Variants in DCDC1 observed in about 807,000 individuals in gnomAD.
DCDC1 encodes doublecortin domain-containing protein 1.
Under a neutral mutation model 178.3 loss-of-function variants are expected in DCDC1, and 200 were observed. The observed-to-expected ratio is 1.12, with a 90% CI of 1.00 to 1.26. DCDC1 has a LOEUF of 1.26. Ranked by LOEUF, DCDC1 falls within the 50% of genes most tolerant of loss-of-function variation. The pLI, the probability that DCDC1 is intolerant of heterozygous loss-of-function variation, is 0.00. For missense variants in DCDC1, 1,983 were observed against 1,749.2 expected, an observed-to-expected ratio of 1.13 and a Z score of -2.38; for synonymous variants, 690 against 604.8, an observed-to-expected ratio of 1.14 and a Z score of -2.07.
At chr11:31,281,457 T>G (rs1946423914) in intron 7 of DCDC1, among the ~76,000 whole-genome samples, 1 of 152,146 alleles carries the variant, frequency 6.6e-6, no homozygotes, top group South Asian at 2.1e-4. Flanking sequence ...TTTTTTGTTT[T>G]TTTAATAAGT....
At chr11:31,338,329 T>G (rs1950373091) in intron 1 of DCDC1, among the ~76,000 whole-genome samples, 1 of 152,122 alleles carries the variant, frequency 6.6e-6, no homozygotes, top group South Asian at 2.1e-4. Context: ...CACCTGGACT[T>G]AATGAAAAGG....
rs558506562 is a variant in DCDC1, at chr11:31,003,089, T to A, written c.2592-50521A>T. On this transcript the variant is annotated intron_variant, in intron 20 of 38. Coordinates refer to ENST00000684477, the MANE Select transcript of DCDC1 (RefSeq NM_001387274.1). Reference sequence around the variant, plus strand: ...TTGGATGGCCACACATATCTTTAAATATATATATATATATATAATCTAGAT... The same window carrying A: ...TTGGATGGCCACACATATCTTTAAAAATATATATATATATATAATCTAGAT... 1.2e-3 allele frequency among the ~76,000 whole-genome samples: 176 copies of A among 149,030 alleles called. 3 individuals are homozygous for A. In the South Asian group the frequency reaches 0.013, roughly 11 times the overall value.
intron 25 of DCDC1, among the ~76,000 whole-genome samples, chr11:30,917,713 G>T (rs1406519578): frequency 2.0e-5 from 3 of 152,142 alleles, no homozygotes; most frequent in African/African-American, 7.2e-5. Context: ...CCTTCAGTGG[G>T]ATTGTGATAT....
rs531969485 is a variant in DCDC1 at position 31,188,518 on chromosome 11, A to G, written c.1222-50734T>C. On this transcript the variant is annotated intron_variant, in intron 9 of 38. Transcript: ENST00000684477. ...ACTTACCATAGAATATATAATTCTG[A>G]GATGATGATGTAATTGTTCCAAAGG... 7.9e-5 allele frequency among the ~76,000 whole-genome samples: 12 copies of G among 152,322 alleles called. No individual in the cohort carries two copies. In the South Asian group the frequency reaches 2.1e-3, roughly 26 times the overall value.
At chr11:30,917,886 A>G (rs1387547105) in intron 25 of DCDC1, among the ~76,000 whole-genome samples, 1 of 152,220 alleles carries the variant, frequency 6.6e-6, no homozygotes, top group African/African-American at 2.4e-5. Context: ...AATTACCAAA[A>G]TCTTCAGGGA....
intron 1 of DCDC1, among the ~76,000 whole-genome samples, chr11:31,362,935 C>T (rs1317528786): frequency 6.6e-6 from 1 of 152,016 alleles, no homozygotes; most frequent in Non-Finnish European, 1.5e-5. Context: ...GTGTTTATTA[C>T]TAGTAAACTG....
intron 20 of DCDC1, among the ~76,000 whole-genome samples, chr11:31,041,119 G>C (rs1282944029): frequency 6.6e-6 from 1 of 152,204 alleles, no homozygotes; most frequent in Non-Finnish European, 1.5e-5. Flanking sequence ...TGTGGTGTCT[G>C]TGTTGTGCAC....
chr11:30,916,477 A>T (rs766354934), intron 26 of DCDC1, among the ~76,000 whole-genome samples: 1 of 152,196 alleles, frequency 6.6e-6, no homozygotes, highest in Admixed American at 6.5e-5. Flanking sequence ...AAAAAACATT[A>T]AACTAAAAAG....
intron 12 of DCDC1, among the ~76,000 whole-genome samples, chr11:31,107,669 A>T (rs1209038455): frequency 1.3e-5 from 2 of 152,170 alleles, no homozygotes; most frequent in African/African-American, 4.8e-5. Flanking sequence ...TTTAGGGCAT[A>T]TTTCAAATAT....
intron 18 of DCDC1, among the ~76,000 whole-genome samples, chr11:31,071,728 G>A (rs1004770296): frequency 3.3e-5 from 5 of 152,106 alleles, no homozygotes; most frequent in African/African-American, 1.2e-4. Context: ...TGCCACTTCC[G>A]AGATGAGGTT....
rs181482754 is a variant in DCDC1 at position 30,962,751 on chromosome 11, A to G, written c.2592-10183T>C. 2.6e-5 allele frequency among the ~76,000 whole-genome samples: 4 copies of G among 152,154 alleles called. No individual in the cohort carries two copies. In the East Asian group the frequency reaches 7.7e-4, roughly 29 times the overall value. On this transcript the variant is annotated intron_variant, in intron 20 of 38. Transcript: ENST00000684477. ...TTTTAACATAAGTCTTTTACCTGCT[A>G]TTTTGTTTTGTTTTTCTAGTTGGTT...
intron 21 of DCDC1, among the ~76,000 whole-genome samples, chr11:30,949,386 A>T (rs943474981): frequency 1.3e-5 from 2 of 152,194 alleles, no homozygotes; most frequent in African/African-American, 4.8e-5. Context: ...GAGAAATAGG[A>T]ATGCTTTTAC....
At chr11:30,909,139 G>A in intron 28 of DCDC1, 23 bp from the exon 29 acceptor site, 1 of 1,588,950 alleles carries the variant, frequency 6.3e-7, no homozygotes, top group Non-Finnish European at 8.6e-7. Flanking sequence ...GCAAAATATG[G>A]AGTCAAGTGA....
At chr11:30,927,698 A>C (rs2134287666) in intron 22 of DCDC1, among the ~76,000 whole-genome samples, 1 of 152,324 alleles carries the variant, frequency 6.6e-6, no homozygotes, top group East Asian at 1.9e-4. Flanking sequence ...TTATTCTAAA[A>C]TGGAACTTAT....
chr11:30,890,953 T>C (rs1190977935), intron 36 of DCDC1, among the ~76,000 whole-genome samples: 1 of 152,212 alleles, frequency 6.6e-6, no homozygotes, highest in East Asian at 1.9e-4. Context: ...ATAAATATTC[T>C]TAATAAATAG....
chr11:31,326,380 AT>A (rs952915338), intron 3 of DCDC1, among the ~76,000 whole-genome samples: 1 of 152,148 alleles, frequency 6.6e-6, no homozygotes, highest in African/African-American at 2.4e-5. Flanking sequence ...CATAAAAAAA[AT>A]AAAGTAGCTA....
intron 20 of DCDC1, among the ~76,000 whole-genome samples, chr11:31,017,053 T>G (rs1019031680): frequency 1.3e-5 from 2 of 152,230 alleles, no homozygotes; most frequent in Admixed American, 1.3e-4. Context: ...GAATATGTAT[T>G]TATTTGCTAA....
chr11:31,087,952 T>C (rs1957579312), intron 17 of DCDC1, among the ~76,000 whole-genome samples: 1 of 152,144 alleles, frequency 6.6e-6, no homozygotes, highest in Admixed American at 6.5e-5. Context: ...TGTTTCTCTT[T>C]TTCCTGGCAA....
At chr11:31,237,448 T>G (rs1316160619) in intron 9 of DCDC1, among the ~76,000 whole-genome samples, 1 of 151,814 alleles carries the variant, frequency 6.6e-6, no homozygotes, top group East Asian at 1.9e-4. Context: ...ATATAGAACT[T>G]TTACATATAA....
Sources: gnomAD v4.1 joint callset for allele counts (sites outside exome capture counted in the v4.1 genomes callset) on GRCh38, gnomAD v4.1.1 for gene constraint, MANE v1.5 for transcripts, NCBI Gene and HGNC (gene_info 2026-07-23, HGNC 2026-07-21) for gene names.